Variants in BRINP3 observed in about 807,000 individuals in gnomAD.
The protein encoded by BRINP3 is BMP/retinoic acid-inducible neural-specific protein 3.
BRINP3 carries 19 observed loss-of-function variants against 71.0 expected under a neutral mutation model. The ratio of observed to expected loss-of-function variants is 0.27; its 90% confidence interval spans 0.19 to 0.39. BRINP3 has a LOEUF of 0.39. Ranked by LOEUF, BRINP3 falls within the 10% of genes least tolerant of loss-of-function variation. The probability of loss-of-function intolerance (pLI) is 1.00; values close to 1 mark genes in which losing one functional copy is unlikely to be tolerated. For synonymous variants in BRINP3, 380 were observed against 337.7 expected (o/e 1.13, Z -1.37); for missense variants, 959 against 940.8 (o/e 1.02, Z -0.25).
At chr1:190,256,773 TG>T (rs1334183902) in intron 4 of BRINP3, among the ~76,000 whole-genome samples, 1 of 152,212 alleles carries the variant, frequency 6.6e-6, no homozygotes, top group East Asian at 1.9e-4. Context: ...TATGAAATTT[TG>T]GGTTGAAAAC....
intron 7 of BRINP3, among the ~76,000 whole-genome samples, chr1:190,130,824 C>T (rs73056703): frequency 0.053 from 7,988 of 151,848 alleles, 706 homozygotes; most frequent in African/African-American, 0.18. Context: ...CCCACATACT[C>T]CTGCCCCTGC....
intron 2 of BRINP3, among the ~76,000 whole-genome samples, chr1:190,347,126 T>C (rs1415308643): frequency 6.6e-6 from 1 of 152,132 alleles, no homozygotes; most frequent in Non-Finnish European, 1.5e-5. Flanking sequence ...CAAAGGCTTA[T>C]AGACACTATA....
intron 2 of BRINP3, among the ~76,000 whole-genome samples, chr1:190,429,939 T>C (rs1305802855): frequency 3.3e-5 from 5 of 152,180 alleles, no homozygotes; most frequent in Non-Finnish European, 5.9e-5. Flanking sequence ...ATGTTACTAG[T>C]ATATATTTTT....
chr1:190,196,032 G>C (rs1654447555), intron 6 of BRINP3, among the ~76,000 whole-genome samples: 2 of 152,126 alleles, frequency 1.3e-5, no homozygotes, highest in Admixed American at 6.6e-5. Context: ...TTTTGAGCTA[G>C]ATTGTATAGA....
chr1:190,476,675 A>G (rs1274067029), intron 1 of BRINP3, among the ~76,000 whole-genome samples: 1 of 152,166 alleles, frequency 6.6e-6, no homozygotes, highest in African/African-American at 2.4e-5. Flanking sequence ...TTGAATTTCA[A>G]TTTATCAGAA....
intron 2 of BRINP3, among the ~76,000 whole-genome samples, chr1:190,390,330 T>C (rs985633699): frequency 2.0e-5 from 3 of 151,638 alleles, no homozygotes; most frequent in African/African-American, 7.3e-5. Flanking sequence ...AATTAAAAAT[T>C]ATGAAGCAAT....
intron 7 of BRINP3, among the ~76,000 whole-genome samples, chr1:190,108,594 C>T (rs1296316907): frequency 6.7e-6 from 1 of 149,180 alleles, no homozygotes; most frequent in Non-Finnish European, 1.5e-5. Context: ...GTTCTAAAGA[C>T]AGAAGCAATC....
chr1:190,473,275 G>A (rs958325735), intron 1 of BRINP3, among the ~76,000 whole-genome samples: 1 of 151,892 alleles, frequency 6.6e-6, no homozygotes, highest in Non-Finnish European at 1.5e-5. Context: ...CCCTAGTGGA[G>A]GAAAAACTAC....
At chr1:190,115,157 A>G (rs568557825) in intron 7 of BRINP3, among the ~76,000 whole-genome samples, 63 of 152,156 alleles carry the variant, frequency 4.1e-4, no homozygotes, top group Non-Finnish European at 8.4e-4. Flanking sequence ...TATGGTAAAG[A>G]ATGGATGAAT....
intron 2 of BRINP3, among the ~76,000 whole-genome samples, chr1:190,436,148 T>C (rs977202381): frequency 3.6e-4 from 55 of 152,050 alleles, no homozygotes; most frequent in African/African-American, 1.1e-3. Context: ...TTATTTCATG[T>C]TTCTAGGAAA....
chr1:190,102,322 G>A (rs7522067), intron 7 of BRINP3, among the ~76,000 whole-genome samples: 52,799 of 151,904 alleles, frequency 0.35, 9,445 homozygotes, highest in African/African-American at 0.4. Flanking sequence ...TCTTAAAACT[G>A]TAAAAGAATT....
intron 2 of BRINP3, among the ~76,000 whole-genome samples, chr1:190,425,757 A>G (rs946451878): frequency 4.6e-5 from 7 of 151,836 alleles, no homozygotes; most frequent in Non-Finnish European, 7.4e-5. Context: ...TTAAATAAGT[A>G]TACTTGTTAG....
At chr1:190,419,681 A>G (rs1330545531) in intron 2 of BRINP3, among the ~76,000 whole-genome samples, 5 of 115,478 alleles carry the variant, frequency 4.3e-5, no homozygotes, top group African/African-American at 1.6e-4. Flanking sequence ...ATATTCACAT[A>G]TACATTTATA....
At position 190,215,995 on chromosome 1, in the gene BRINP3, G is replaced by A. The variant is rs147684645; in HGVS notation, c.961+10087C>T. ...AGATTGCTGTATTTCATAATTATAA[G>A]TAATGAAGTTTTTTATTTATCCAAA... is the stretch of plus-strand genomic sequence containing the variant. On this transcript the variant is annotated intron_variant, in intron 6 of 7. Coordinates refer to ENST00000367462, the MANE Select transcript of BRINP3 (RefSeq NM_199051.3). 7.6e-3 allele frequency among the ~76,000 whole-genome samples: 1,117 copies of A among 147,702 alleles called. 13 individuals carry two copies. The highest frequency in any genetic ancestry group is 0.026 in the African/African-American group (1,037 of 40,454).
chr1:190,324,180 A>G, intron 2 of BRINP3, among the ~76,000 whole-genome samples: 1 of 152,014 alleles, frequency 6.6e-6, no homozygotes, highest in East Asian at 1.9e-4. Flanking sequence ...TAAGTAGCAA[A>G]AAAGAAAGAT....
intron 6 of BRINP3, among the ~76,000 whole-genome samples, chr1:190,190,026 T>C (rs1653895644): frequency 6.6e-6 from 1 of 152,122 alleles, no homozygotes; most frequent in Non-Finnish European, 1.5e-5. Flanking sequence ...CTTAGGGACA[T>C]TGAGTTCTGT....
At chr1:190,214,009 T>C (rs1447424312) in intron 6 of BRINP3, among the ~76,000 whole-genome samples, 3 of 152,080 alleles carry the variant, frequency 2.0e-5, no homozygotes, top group East Asian at 1.9e-4. Flanking sequence ...TCATCTCCCA[T>C]GTGGCTAAGG....
chr1:190,301,212 T>TATATACACACATAC lies in BRINP3; in HGVS notation c.237-19463_237-19462insGTATGTGTGTATAT, dbSNP rs1558160725. Among the ~76,000 whole-genome samples the TATATACACACATAC allele has an allele frequency of 3.6e-3, 249 of 68,278 alleles. 5 individuals are homozygous for TATATACACACATAC. Among genetic ancestry groups the TATATACACACATAC allele is most frequent in the Admixed American group, 0.021 (128 of 5,972 alleles). 44.8% of individuals were successfully genotyped at this position (68,278 alleles called of 152,430 possible). A position where few individuals can be genotyped will look rare whatever the true frequency, so the allele number is the denominator to read the frequency against. ...GTATATATATACACATACATATATA[T>TATATACACACATAC]ATATATATATATATATATATATACA... On this transcript the variant is annotated intron_variant, in intron 2 of 7. Coordinates refer to ENST00000367462, the MANE Select transcript of BRINP3 (RefSeq NM_199051.3).
chr1:190,322,236 G>A (rs925047583), intron 2 of BRINP3, among the ~76,000 whole-genome samples: 2 of 151,996 alleles, frequency 1.3e-5, no homozygotes, highest in Non-Finnish European at 2.9e-5. Flanking sequence ...GACAAGTTCA[G>A]GAAGGGGCTG....
Sources: gnomAD v4.1 joint callset for allele counts (sites outside exome capture counted in the v4.1 genomes callset) on GRCh38, gnomAD v4.1.1 for gene constraint, MANE v1.5 for transcripts, NCBI Gene and HGNC (gene_info 2026-07-23, HGNC 2026-07-21) for gene names.